Variants in SLC7A1 observed in about 807,000 individuals in gnomAD.
SLC7A1 encodes the protein solute carrier family 7 member 1, also known as high affinity cationic amino acid transporter 1.
Under a neutral mutation model 53.9 loss-of-function variants are expected in SLC7A1, and 10 were observed. That is an observed-to-expected ratio of 0.19 (90% CI 0.11 to 0.31). SLC7A1 has a LOEUF of 0.31. Among genes scored for constraint, SLC7A1 ranks in the 10% least tolerant of loss-of-function variants. The pLI, the probability that SLC7A1 is intolerant of heterozygous loss-of-function variation, is 1.00. For synonymous variants in SLC7A1, 342 were observed against 338.7 expected, an observed-to-expected ratio of 1.01 and a Z score of -0.11; for missense variants, 525 against 827.2, an observed-to-expected ratio of 0.63 and a Z score of 4.48.
intron 8 of SLC7A1, among the ~76,000 whole-genome samples, chr13:29,521,478 C>T (rs1039024454): frequency 5.3e-5 from 8 of 152,222 alleles, no homozygotes; most frequent in Admixed American, 1.3e-4. Flanking sequence ...GCCGCTCCAC[C>T]GCCCTGGGTG....
chr13:29,527,604 C>T (rs1868958381), intron 5 of SLC7A1, among the ~76,000 whole-genome samples: 1 of 152,344 alleles, frequency 6.6e-6, no homozygotes, highest in African/African-American at 2.4e-5. Flanking sequence ...AATGTCGCCC[C>T]GAGACAAAGT....
chr13:29,547,439 G>A (rs1480965470), intron 2 of SLC7A1, among the ~76,000 whole-genome samples: 2 of 152,170 alleles, frequency 1.3e-5, no homozygotes, highest in Non-Finnish European at 2.9e-5. Context: ...TATGTGGAAG[G>A]AAGTGGCAGA....
At chr13:29,548,934 C>T (rs1039761356) in intron 2 of SLC7A1, among the ~76,000 whole-genome samples, 2 of 152,204 alleles carry the variant, frequency 1.3e-5, no homozygotes, top group Non-Finnish European at 2.9e-5. Context: ...GCCCTACTCA[C>T]AACCACACTT....
intron 5 of SLC7A1, 56 bp downstream of exon 5, chr13:29,530,482 T>A: frequency 6.7e-7 from 1 of 1,494,868 alleles, no homozygotes; most frequent in Non-Finnish European, 9.3e-7. Flanking sequence ...ATATCCCCCA[T>A]ACAATCTATG....
At chr13:29,516,091 C>A in intron 12 of SLC7A1, 47 bp downstream of exon 12, 1 of 1,210,262 alleles carries the variant, frequency 8.3e-7, no homozygotes, top group Non-Finnish European at 1.2e-6. Context: ...AGGGAGACCC[C>A]CAGGGGAAGC....
intron 1 of SLC7A1, among the ~76,000 whole-genome samples, chr13:29,585,379 C>T (rs998830220): frequency 4.6e-5 from 7 of 151,862 alleles, no homozygotes; most frequent in African/African-American, 1.2e-4. Context: ...CAAGTTGCCA[C>T]GAGGAATTTT....
intron 1 of SLC7A1, among the ~76,000 whole-genome samples, chr13:29,594,667 T>C (rs566630600): frequency 1.8e-4 from 28 of 152,302 alleles, no homozygotes; most frequent in African/African-American, 6.3e-4. Flanking sequence ...TTCCAAACCA[T>C]GTGGAGGGCT....
chr13:29,577,911 G>T (rs530520559), intron 1 of SLC7A1, among the ~76,000 whole-genome samples: 24 of 152,212 alleles, frequency 1.6e-4, no homozygotes, highest in African/African-American at 5.3e-4. Context: ...TGGAGCTCGA[G>T]ACCCTCTCCT....
intron 1 of SLC7A1, among the ~76,000 whole-genome samples, chr13:29,584,029 G>A (rs376618932): frequency 1.1e-4 from 17 of 152,138 alleles, no homozygotes; most frequent in Non-Finnish European, 2.5e-4. Context: ...TATTTCAAAC[G>A]TTAACATATA....
At chr13:29,587,543 T>C (rs1036382693) in intron 1 of SLC7A1, among the ~76,000 whole-genome samples, 18 of 152,228 alleles carry the variant, frequency 1.2e-4, no homozygotes, top group African/African-American at 4.3e-4. Context: ...AGCTCACTGA[T>C]ATGGGGCCAG....
chr13:29,580,609 C>T (rs1027660639), intron 1 of SLC7A1, among the ~76,000 whole-genome samples: 2 of 152,158 alleles, frequency 1.3e-5, no homozygotes, highest in Admixed American at 6.5e-5. Flanking sequence ...GTCTCCTTAC[C>T]TGATTGATTT....
chr13:29,516,092 C>G, intron 12 of SLC7A1, 46 bp downstream of exon 12: 1 of 1,218,126 alleles, frequency 8.2e-7, no homozygotes, highest in Admixed American at 1.8e-5. Flanking sequence ...GGGAGACCCC[C>G]AGGGGAAGCC....
intron 1 of SLC7A1, among the ~76,000 whole-genome samples, chr13:29,592,430 C>G (rs57552148): frequency 0.015 from 2,309 of 152,330 alleles, 60 homozygotes; most frequent in African/African-American, 0.053. Context: ...AATGGCATCC[C>G]CTGGGTCTGC....
intron 12 of SLC7A1, 120 bp from the exon 13 acceptor site, chr13:29,514,703 A>G: frequency 1.5e-6 from 1 of 688,466 alleles, no homozygotes; most frequent in Non-Finnish European, 2.5e-6. Flanking sequence ...CCTGCCTGGC[A>G]TGAGCCCGCA....
intron 1 of SLC7A1, among the ~76,000 whole-genome samples, chr13:29,577,530 A>C (rs1315887561): frequency 1.3e-5 from 2 of 152,182 alleles, no homozygotes; most frequent in East Asian, 3.9e-4. Context: ...CAGGTGGAAA[A>C]CACACACTGG....
chr13:29,538,281 G>C (rs900412178), intron 2 of SLC7A1, among the ~76,000 whole-genome samples: 1 of 152,156 alleles, frequency 6.6e-6, no homozygotes, highest in Admixed American at 6.5e-5. Flanking sequence ...TAGCAAGTGG[G>C]GCAAAGTGGG....
intron 1 of SLC7A1, among the ~76,000 whole-genome samples, chr13:29,574,921 G>A (rs577839836): frequency 1.4e-4 from 22 of 152,206 alleles, no homozygotes; most frequent in South Asian, 1.0e-3. Context: ...TGGGATTACC[G>A]GCATGAGCCA....
intron 1 of SLC7A1, among the ~76,000 whole-genome samples, chr13:29,589,073 C>T (rs1029984548): frequency 4.6e-5 from 7 of 152,166 alleles, no homozygotes; most frequent in Non-Finnish European, 8.8e-5. Context: ...TTGGGGAAGA[C>T]GGGCCCTTGC....
At position 29,510,711 on chromosome 13, in the gene SLC7A1, A is replaced by G. The variant is rs1331443019; in HGVS notation, c.*3769T>C. ...GAACGCAGCTGTGCTGGAGTTGGGCACAAAGGCCCCTCACTCCCTGTCTTC... is the reference window on the plus strand; with the variant it reads ...GAACGCAGCTGTGCTGGAGTTGGGCGCAAAGGCCCCTCACTCCCTGTCTTC... On this transcript the variant is annotated 3_prime_UTR_variant, in exon 13 of 13. Transcript: ENST00000380752. 1 of 152,254 alleles carries G rather than the reference A, an allele frequency of 6.6e-6. No individual in the cohort carries two copies. The highest frequency in any genetic ancestry group is 1.5e-5 in the Non-Finnish European group (1 of 68,046). 9.4% of individuals were successfully genotyped at this position (152,254 alleles called of 1,614,324 possible).
Sources: allele counts gnomAD v4.1 joint callset (sites outside exome capture counted in the v4.1 genomes callset), GRCh38; gene constraint gnomAD v4.1.1; transcripts MANE v1.5; gene names NCBI Gene and HGNC (gene_info 2026-07-23, HGNC 2026-07-21).